RPA3: variants seen among roughly 807,000 people sequenced by gnomAD.
The protein encoded by RPA3 is replication protein A3, also known as replication protein A 14 kDa subunit.
RPA3 carries 24 observed loss-of-function variants against 13.7 expected under a neutral mutation model. The observed-to-expected ratio is 1.75, with a 90% CI of 1.27 to 2.46. The LOEUF (loss-of-function observed/expected upper bound fraction) is 2.46, where lower values mean the gene tolerates loss of function less well. Ranked by LOEUF, RPA3 falls within the 30% of genes most tolerant of loss-of-function variation. The pLI, the probability that RPA3 is intolerant of heterozygous loss-of-function variation, is 0.00. For missense variants in RPA3, 183 were observed against 151.0 expected (o/e 1.21, Z -1.11); for synonymous variants, 59 against 51.2 (o/e 1.15, Z -0.65).
At chr7:7,715,692 G>C (rs2115175932) in intron 1 of RPA3, among the ~76,000 whole-genome samples, 1 of 152,276 alleles carries the variant, frequency 6.6e-6, no homozygotes, top group Non-Finnish European at 1.5e-5. Flanking sequence ...AAAAGTCATA[G>C]TTTTACCATT....
In RPA3 at chr7:7,640,646, G is replaced by T; in HGVS notation, c.-228C>A. On this transcript the variant is annotated 5_prime_UTR_variant, in exon 5 of 8. Coordinates refer to ENST00000223129, the MANE Select transcript of RPA3 (RefSeq NM_002947.5). Reference sequence around the variant, plus strand: ...GGAGATTGGCTGCTTAGTGACGCGCGGCGTCCCGGAAGTTGACAGATACAG... The same window carrying T: ...GGAGATTGGCTGCTTAGTGACGCGCTGCGTCCCGGAAGTTGACAGATACAG... 2 of 542,904 alleles carry T rather than the reference G, an allele frequency of 3.7e-6. No homozygotes were observed. Among genetic ancestry groups the T allele is most frequent in the Non-Finnish European group, 6.6e-6 (2 of 304,284 alleles). The allele number at this position is 542,904 out of a possible 1,614,324, so 33.6% of individuals were successfully genotyped here.
intron 4 of RPA3, among the ~76,000 whole-genome samples, chr7:7,668,850 C>T (rs762654822): frequency 6.6e-6 from 1 of 152,110 alleles, no homozygotes; most frequent in Non-Finnish European, 1.5e-5. Flanking sequence ...CAGCTTAAGC[C>T]CTCAAGGCCT....
At chr7:7,708,363 C>A (rs1402198523) in intron 2 of RPA3, among the ~76,000 whole-genome samples, 2 of 152,128 alleles carry the variant, frequency 1.3e-5, no homozygotes, top group African/African-American at 4.8e-5. Context: ...GATTGCTCAG[C>A]TTTAGTTTTG....
chr7:7,717,875 A>C (rs1039648848), intron 1 of RPA3, among the ~76,000 whole-genome samples: 3 of 152,218 alleles, frequency 2.0e-5, no homozygotes, highest in Non-Finnish European at 2.9e-5. Context: ...AAATTGACAC[A>C]TTATGTCATG....
intron 1 of RPA3, among the ~76,000 whole-genome samples, chr7:7,715,769 G>A (rs1195428193): frequency 6.6e-6 from 1 of 152,202 alleles, no homozygotes; most frequent in Non-Finnish European, 1.5e-5. Context: ...ATGTAAGAAA[G>A]AGTTTTGAGT....
At chr7:7,678,126 T>G (rs1779794725) in intron 4 of RPA3, among the ~76,000 whole-genome samples, 1 of 90,964 alleles carries the variant, frequency 1.1e-5, no homozygotes, top group South Asian at 4.0e-4. Flanking sequence ...CTGTATCATA[T>G]AGTAGTTCTG....
rs551013825 is a variant in RPA3 at position 7,674,907 on chromosome 7, CT to C, written c.-758+10922del. Among the ~76,000 whole-genome samples the C allele has an allele frequency of 2.5e-3, 376 of 152,212 alleles. 1 individual carries two copies. The highest frequency in any genetic ancestry group is 8.7e-3 in the African/African-American group (360 of 41,546). ...CTCTCAGAATTTTTTCCAAAAAACT[CT>C]TGTTTTCCACTCTGTTATATATTCC... On this transcript the variant is annotated intron_variant, in intron 4 of 7. Coordinates refer to ENST00000223129, the MANE Select transcript of RPA3 (RefSeq NM_002947.5).
chr7:7,652,202 A>G (rs771903586), intron 4 of RPA3, among the ~76,000 whole-genome samples: 3 of 152,164 alleles, frequency 2.0e-5, no homozygotes, highest in South Asian at 2.1e-4. Context: ...CCTGTTTTAC[A>G]TTGCTCGTTT....
chr7:7,639,547 A>C (rs143445602), intron 5 of RPA3, among the ~76,000 whole-genome samples: 11 of 152,316 alleles, frequency 7.2e-5, no homozygotes, highest in African/African-American at 2.4e-4. Flanking sequence ...GGTTGCTAGA[A>C]TATCTGGGTC....
chr7:7,673,788 C>G (rs1182529263), intron 4 of RPA3, among the ~76,000 whole-genome samples: 2 of 151,528 alleles, frequency 1.3e-5, no homozygotes, highest in Non-Finnish European at 2.9e-5. Context: ...ATAAATAGTA[C>G]TAACCTTGTT....
intron 4 of RPA3, among the ~76,000 whole-genome samples, chr7:7,656,252 G>GA (rs1221358380): frequency 1.3e-5 from 2 of 151,852 alleles, no homozygotes; most frequent in Non-Finnish European, 2.9e-5. Flanking sequence ...AGTTGAAGGA[G>GA]AAAAAAGAAC....
chr7:7,714,093 G>C (rs28912684), intron 2 of RPA3, among the ~76,000 whole-genome samples: 1 of 152,158 alleles, frequency 6.6e-6, no homozygotes, highest in African/African-American at 2.4e-5. Context: ...TTATCTTTTT[G>C]ATGAAGATTT....
At chr7:7,688,344 G>T (rs4140802) in intron 2 of RPA3, among the ~76,000 whole-genome samples, 83 of 152,038 alleles carry the variant, frequency 5.5e-4, no homozygotes, top group African/African-American at 1.9e-3. Flanking sequence ...CTAGTTTGGC[G>T]TCAGAAAGTA....
intron 2 of RPA3, among the ~76,000 whole-genome samples, chr7:7,698,717 A>G (rs1237721431): frequency 2.6e-5 from 4 of 152,034 alleles, no homozygotes; most frequent in Non-Finnish European, 5.9e-5. Flanking sequence ...AGCTCTTAAT[A>G]ATTACCTGCT....
intron 4 of RPA3, among the ~76,000 whole-genome samples, chr7:7,661,230 A>G (rs1785467131): frequency 6.6e-6 from 1 of 151,888 alleles, no homozygotes; most frequent in African/African-American, 2.4e-5. Flanking sequence ...TTTTTTTCCA[A>G]GGTTCTTAGC....
intron 2 of RPA3, among the ~76,000 whole-genome samples, chr7:7,707,492 T>A (rs1237786867): frequency 6.6e-6 from 1 of 152,206 alleles, no homozygotes; most frequent in Non-Finnish European, 1.5e-5. Flanking sequence ...GAATGCCATA[T>A]GCTCTCAAAT....
chr7:7,647,643 T>C (rs1195478441), intron 4 of RPA3, among the ~76,000 whole-genome samples: 12 of 152,234 alleles, frequency 7.9e-5, no homozygotes, highest in Non-Finnish European at 1.5e-5. Flanking sequence ...GGTCTTCCTC[T>C]GTTGCTGAGG....
At chr7:7,638,297 C>A in intron 6 of RPA3, 1 of 214,560 alleles carries the variant, frequency 4.7e-6, no homozygotes, top group African/African-American at 2.3e-5. Flanking sequence ...CTGTATTTCA[C>A]AATGTGTTCT....
chr7:7,672,382 A>C (rs1156819691), intron 4 of RPA3, among the ~76,000 whole-genome samples: 1 of 152,152 alleles, frequency 6.6e-6, no homozygotes, highest in East Asian at 1.9e-4. Context: ...GCGTGTGAGC[A>C]TGTGTGTATG....
Sources: allele counts gnomAD v4.1 joint callset (sites outside exome capture counted in the v4.1 genomes callset), GRCh38; gene constraint gnomAD v4.1.1; transcripts MANE v1.5; gene names NCBI Gene and HGNC (gene_info 2026-07-23, HGNC 2026-07-21).